The following SLC14A2 variants were observed in gnomAD, a reference collection of about 807,000 sequenced individuals.
The protein encoded by SLC14A2 is solute carrier family 14 member 2.
In SLC14A2, 91 loss-of-function variants were observed where a neutral mutation model predicts 104.6. That is an observed-to-expected ratio of 0.87 (90% CI 0.73 to 1.04). SLC14A2 has a LOEUF of 1.04. Ranked by LOEUF, SLC14A2 falls within the 50% of genes least tolerant of loss-of-function variation. SLC14A2 has a pLI of 0.00. For synonymous variants in SLC14A2, 476 were observed against 466.4 expected (o/e 1.02, Z -0.27); for missense variants, 1,189 against 1,156.0 (o/e 1.03, Z -0.41).
intron 1 of SLC14A2, among the ~76,000 whole-genome samples, chr18:45,269,366 T>G (rs969958288): frequency 5.3e-5 from 8 of 152,078 alleles, no homozygotes; most frequent in Non-Finnish European, 4.4e-5. Context: ...GTTCTTCAAA[T>G]CCTTCCATTT....
intron 2 of SLC14A2, among the ~76,000 whole-genome samples, chr18:45,588,559 T>G (rs1269860509): frequency 6.6e-6 from 1 of 152,136 alleles, no homozygotes; most frequent in Non-Finnish European, 1.5e-5. Flanking sequence ...AGACTTCCTA[T>G]GTTGTGAGCT....
intron 1 of SLC14A2, among the ~76,000 whole-genome samples, chr18:45,306,707 G>T (rs1483334244): frequency 6.6e-6 from 1 of 152,100 alleles, no homozygotes; most frequent in Non-Finnish European, 1.5e-5. Context: ...CTGGGGTCTC[G>T]TTCCTGCTCT....
chr18:45,599,848 G>A (rs548730134), intron 2 of SLC14A2, among the ~76,000 whole-genome samples: 1 of 152,272 alleles, frequency 6.6e-6, no homozygotes, highest in African/African-American at 2.4e-5. Context: ...ATGTCAGCAG[G>A]CAAAGAGAGA....
At chr18:45,249,900 G>A (rs982997706) in intron 1 of SLC14A2, among the ~76,000 whole-genome samples, 3 of 152,082 alleles carry the variant, frequency 2.0e-5, no homozygotes, top group African/African-American at 7.2e-5. Flanking sequence ...AGTGAGCTAT[G>A]ATTGTGCTGC....
chr18:45,379,488 G>A (rs916911139), intron 1 of SLC14A2, among the ~76,000 whole-genome samples: 2 of 151,926 alleles, frequency 1.3e-5, no homozygotes, highest in Non-Finnish European at 1.5e-5. Context: ...TTCCTCCTTC[G>A]ACCTGGTTTC....
intron 1 of SLC14A2, among the ~76,000 whole-genome samples, chr18:45,428,442 TG>T (rs2086466222): frequency 6.6e-6 from 1 of 152,098 alleles, no homozygotes; most frequent in African/African-American, 2.4e-5. Flanking sequence ...AAAAAAACAC[TG>T]TGCACAATAT....
At chr18:45,586,446 T>C (rs2044568248) in intron 2 of SLC14A2, among the ~76,000 whole-genome samples, 1 of 152,176 alleles carries the variant, frequency 6.6e-6, no homozygotes, top group African/African-American at 2.4e-5. Flanking sequence ...TTGTTCATAG[T>C]GTGCTAGAAA....
intron 1 of SLC14A2, among the ~76,000 whole-genome samples, chr18:45,459,147 C>T (rs1256004747): frequency 1.3e-5 from 2 of 152,160 alleles, no homozygotes; most frequent in African/African-American, 4.8e-5. Context: ...ATGGAAAGGG[C>T]ACCAGCCAAG....
intron 1 of SLC14A2, among the ~76,000 whole-genome samples, chr18:45,375,624 T>C (rs1229123784): frequency 6.6e-6 from 1 of 152,228 alleles, no homozygotes; most frequent in African/African-American, 2.4e-5. Context: ...GCATGAATTA[T>C]TCTTTCTCTA....
At chr18:45,291,058 G>T (rs942332981) in intron 1 of SLC14A2, among the ~76,000 whole-genome samples, 2 of 152,208 alleles carry the variant, frequency 1.3e-5, no homozygotes, top group Non-Finnish European at 2.9e-5. Flanking sequence ...TGTCATGTGG[G>T]TTGAGTGTTG....
At chr18:45,261,248 G>C (rs528563887) in intron 1 of SLC14A2, among the ~76,000 whole-genome samples, 1 of 151,678 alleles carries the variant, frequency 6.6e-6, no homozygotes, top group South Asian at 2.1e-4. Flanking sequence ...CCATCTATGA[G>C]TGAGAACATG....
chr18:45,178,414 T>A, the SLC14A2 span, among the ~76,000 whole-genome samples: 3 of 151,746 alleles, frequency 2.0e-5, no homozygotes, highest in Non-Finnish European at 4.4e-5. Flanking sequence ...CATAGCAGAA[T>A]AAAAGCACAC....
At chr18:45,353,117 A>G (rs2085518981) in intron 1 of SLC14A2, among the ~76,000 whole-genome samples, 1 of 152,218 alleles carries the variant, frequency 6.6e-6, no homozygotes, top group African/African-American at 2.4e-5. Context: ...TTACATAAGC[A>G]TACACCTAAG....
At chr18:45,662,410 C>G (rs1446675863) in intron 10 of SLC14A2, among the ~76,000 whole-genome samples, 1 of 152,208 alleles carries the variant, frequency 6.6e-6, no homozygotes, top group Non-Finnish European at 1.5e-5. Flanking sequence ...GTTGTTTCTA[C>G]ATAAGCAGTG....
chr18:45,414,185 G>A (rs999384687), intron 1 of SLC14A2, among the ~76,000 whole-genome samples: 1 of 152,182 alleles, frequency 6.6e-6, no homozygotes, highest in Non-Finnish European at 1.5e-5. Context: ...GGTGGTGAAT[G>A]AGCTTTGACC....
rs571179481 is a variant in SLC14A2, at chr18:45,518,169, C to G, written c.-35+34847C>G. Among the ~76,000 whole-genome samples the G allele has an allele frequency of 1.6e-4, 25 of 152,340 alleles. No individual in the cohort carries two copies. In the South Asian group the frequency reaches 4.8e-3, roughly 29 times the overall value. The stretch of plus-strand genomic sequence containing the variant: ...GTTACCTAACAAAGCCTACATCACA[C>G]AGTTCCGGGTTGCTCCAAGGCCTCT... On this transcript the variant is annotated intron_variant, in intron 2 of 20. Transcript: ENST00000586448.
At position 45,374,592 on chromosome 18, in the gene SLC14A2, G is replaced by A. The variant is rs564574971; in HGVS notation, c.-124-108641G>A. The stretch of plus-strand genomic sequence containing the variant: ...GGAGTCAGAAATCCAGAGAGGCATA[G>A]AGGTTCCCAAGTTTACTGTGCTATT... On this transcript the variant is annotated intron_variant, in intron 1 of 20. Transcript: ENST00000586448. Among the ~76,000 whole-genome samples the A allele has an allele frequency of 8.7e-5, 13 of 150,216 alleles. No individual in the cohort carries two copies. In the South Asian group the frequency reaches 2.3e-3, roughly 27 times the overall value.
At chr18:45,675,316 C>G (rs532118976) in intron 18 of SLC14A2, among the ~76,000 whole-genome samples, 20 of 152,246 alleles carry the variant, frequency 1.3e-4, no homozygotes, top group African/African-American at 4.8e-4. Context: ...TTTTTAGAAG[C>G]TGAAAACTCC....
intron 18 of SLC14A2, among the ~76,000 whole-genome samples, chr18:45,678,278 T>C (rs1441228888): frequency 3.3e-5 from 5 of 152,210 alleles, no homozygotes; most frequent in Admixed American, 3.3e-4. Context: ...TAATAGTGCT[T>C]ACACTGTAGG....
Sources: allele counts gnomAD v4.1 joint callset (sites outside exome capture counted in the v4.1 genomes callset), GRCh38; gene constraint gnomAD v4.1.1; transcripts MANE v1.5; gene names NCBI Gene and HGNC (gene_info 2026-07-23, HGNC 2026-07-21).